DCTN1: variants seen among roughly 807,000 people sequenced by gnomAD.
DCTN1 encodes dynactin subunit 1.
Under a neutral mutation model 161.2 loss-of-function variants are expected in DCTN1, and 61 were observed. The ratio of observed to expected loss-of-function variants is 0.38; its 90% confidence interval spans 0.31 to 0.47. The LOEUF (loss-of-function observed/expected upper bound fraction) is 0.47, where lower values mean the gene tolerates loss of function less well. DCTN1 is among the 20% of genes least tolerant of loss of function. The pLI is 0.99. For synonymous variants in DCTN1, 653 were observed against 632.4 expected (o/e 1.03, Z -0.49); for missense variants, 1,404 against 1,623.7 (o/e 0.86, Z 2.33).
At chr2:74,375,486 G>A (rs1675169981) in intron 5 of DCTN1, among the ~76,000 whole-genome samples, 1 of 152,210 alleles carries the variant, frequency 6.6e-6, no homozygotes, top group African/African-American at 2.4e-5. Context: ...GGGCAGCATG[G>A]GTGGCCTAGG....
rs569377972 is a variant in DCTN1 at position 74,391,667 on chromosome 2, G to C, written c.-19+127C>G. 6.3e-3 allele frequency: 2,361 copies of C among 377,352 alleles called. 19 individuals carry two copies. The highest frequency in any genetic ancestry group is 9.6e-3 in the South Asian group (495 of 51,396). 23.4% of individuals were successfully genotyped at this position (377,352 alleles called of 1,614,324 possible). On this transcript the variant is annotated intron_variant, in intron 1 of 27. Coordinates refer to the DCTN1 transcript ENST00000409240. ...CGCTCAGGCGGAGCCCCCGGACCCC[G>C]ACAAGCGCCCACCCCTGCCAGTCCC...
intron 2 of DCTN1, 60 bp from the exon 3 acceptor site, chr2:74,377,786 C>T: frequency 6.5e-7 from 1 of 1,544,218 alleles, no homozygotes; most frequent in Non-Finnish European, 9.0e-7. Context: ...TCAAGGACGG[C>T]TGTAATATGG....
upstream of DCTN1, among the ~76,000 whole-genome samples, chr2:74,384,101 G>A (rs1220659422): frequency 6.6e-6 from 1 of 152,180 alleles, no homozygotes; most frequent in African/African-American, 2.4e-5. Flanking sequence ...AAAAATGGGA[G>A]GAGAAACAAC....
rs2103736119 is a variant in DCTN1 at position 74,380,125 on chromosome 2, G to A, written c.-88C>T. ...CCTAGGCAGGAGGGTCAGGGCGCTG[G>A]GCCCTCATAGAGGGACACAGGAGTC... On this transcript the variant is annotated 5_prime_UTR_variant, in exon 1 of 32. Transcript: ENST00000628224. 3 of 1,462,192 alleles carry A rather than the reference G, an allele frequency of 2.1e-6. No homozygotes were observed. The highest frequency in any genetic ancestry group is 4.6e-5 in the East Asian group (2 of 43,912). 90.6% of individuals were successfully genotyped at this position (1,462,192 alleles called of 1,614,324 possible).
At chr2:74,362,847 G>T in intron 29 of DCTN1, 118 bp from the exon 30 acceptor site, 1 of 1,294,248 alleles carries the variant, frequency 7.7e-7, no homozygotes, top group Non-Finnish European at 1.1e-6. Context: ...GAGAGAGAGT[G>T]GGTGAATCAA....
Position 74,361,642 on chromosome 2 carries a change from G to T in DCTN1, c.3700-6C>A, listed in dbSNP as rs371163273. Reference sequence around the variant, plus strand: ...TCCTGCTGCTCCTCCTTGGCCTGGTGGTTGATGAGGAGAAAAAGACTCCAG... The same window carrying T: ...TCCTGCTGCTCCTCCTTGGCCTGGTTGTTGATGAGGAGAAAAAGACTCCAG... On this transcript the variant is annotated splice_polypyrimidine_tract_variant and splice_region_variant and intron_variant, in intron 31 of 31. Transcript: ENST00000628224. The T allele has an allele frequency of 1.5e-5, 25 of 1,613,986 alleles. No homozygotes were observed. Among genetic ancestry groups the T allele is most frequent in the Non-Finnish European group, 2.1e-5 (25 of 1,180,028 alleles).
At position 74,388,525 on chromosome 2, in the gene DCTN1, T is replaced by G. The variant is rs1368238916; in HGVS notation, c.-19+3269A>C. Among the ~76,000 whole-genome samples, 4 of 152,360 alleles carry G rather than the reference T, an allele frequency of 2.6e-5. No homozygotes were observed. In the East Asian group the frequency reaches 7.7e-4, roughly 29 times the overall value. On this transcript the variant is annotated intron_variant, in intron 1 of 27. Coordinates refer to the DCTN1 transcript ENST00000409240. ...GTTACAAATGTCACCAGGACAATTCTTCCTCCTCATCCTTCAAGGCTCAGC... is the reference window on the plus strand; with the variant it reads ...GTTACAAATGTCACCAGGACAATTCGTCCTCCTCATCCTTCAAGGCTCAGC...
Position 74,362,668 on chromosome 2 carries a change from G to A in DCTN1, c.3591C>T (p.Asp1197=), listed in dbSNP as rs1413115871. 2 of 1,613,994 alleles carry A rather than the reference G, an allele frequency of 1.2e-6. No individual in the cohort carries two copies. The highest frequency in any genetic ancestry group is 1.1e-5 in the South Asian group (1 of 91,050). ...AGCTGACCTTGAGCTTCTCGACGGT[G>A]TCACTCAGGGACTTAAGCTGAGCCA... ...EQVAQLKSLS[D]TVEKLKDEVL... Residue 1197 remains aspartate, a synonymous_variant, in exon 30 of 32, where the codon GAC becomes GAT. Coordinates refer to ENST00000628224, the MANE Select transcript of DCTN1 (RefSeq NM_004082.5).
rs1361422608 is a variant in DCTN1 at position 74,365,507 on chromosome 2, T to C, written c.3029+8A>G. 1.2e-6 allele frequency: 2 copies of C among 1,614,072 alleles called. No individual in the cohort carries two copies. Among genetic ancestry groups the C allele is most frequent in the Non-Finnish European group, 1.7e-6 (2 of 1,179,992 alleles). ...AGAGGAAGCAAGGCCCCAGGGAAAG[T>C]GCCTGACTTCTCCTTCTTTCGCAGC... On this transcript the variant is annotated splice_region_variant and intron_variant, in intron 25 of 31. Transcript: ENST00000628224.
intron 26 of DCTN1, chr2:74,364,747 T>C (rs1674274311): frequency 2.5e-6 from 1 of 399,852 alleles, no homozygotes. Context: ...CCCAGCCTGC[T>C]GCTGGCTGAC....
chr2:74,363,450 C>T (rs769109238), intron 27 of DCTN1, 23 bp from the exon 28 acceptor site: 1 of 1,611,124 alleles, frequency 6.2e-7, no homozygotes, highest in African/African-American at 1.3e-5. Flanking sequence ...TAAAAAATCT[C>T]ATCAGCCCCA....
upstream of DCTN1, chr2:74,383,750 T>A (rs1306113282): frequency 6.6e-6 from 1 of 152,220 alleles, no homozygotes; most frequent in Non-Finnish European, 1.5e-5. Flanking sequence ...GACCTGAATA[T>A]ACCTTTGGTT....
Position 74,369,052 on chromosome 2 carries a change from A to G in DCTN1, c.1701+46T>C, listed in dbSNP as rs1312362870. On this transcript the variant is annotated intron_variant, in intron 15 of 31. Transcript: ENST00000628224. This position sits in a 1 kb window ranked among gnomAD's most constrained non-coding sequence, Gnocchi z 4.9. ...GAATCTGAAGCCCAGACCCCATACC[A>G]GTTCATCCCAGGCAGGGCTCCCTCA... The G allele has an allele frequency of 6.3e-7, 1 of 1,594,408 alleles. No homozygotes were observed. The highest frequency in any genetic ancestry group is 1.7e-5 in the Admixed American group (1 of 60,020).
At chr2:74,379,315 C>G (rs926355538) in intron 1 of DCTN1, among the ~76,000 whole-genome samples, 1 of 152,054 alleles carries the variant, frequency 6.6e-6, no homozygotes, top group Non-Finnish European at 1.5e-5. Flanking sequence ...TATGGGAGAC[C>G]CTTCTGATAC....
rs1378033827 is a variant in DCTN1 at position 74,370,922 on chromosome 2, A to G, written c.843+57T>C. The G allele has an allele frequency of 6.2e-7, 1 of 1,613,322 alleles. No homozygotes were observed. Among genetic ancestry groups the G allele is most frequent in the Non-Finnish European group, 8.5e-7 (1 of 1,180,004 alleles). ...AGGCTCCAGCTCCAGTCTAGTTTCC[A>G]GCATGCTTCCTTAGGTCTCAGGCTG... On this transcript the variant is annotated intron_variant, in intron 9 of 31. Transcript: ENST00000628224. The surrounding 1 kb of genome is among the most constrained non-coding windows in gnomAD (Gnocchi z 4.4).
At chr2:74,386,287 C>T (rs1016916950) in intron 1 of DCTN1, among the ~76,000 whole-genome samples, 5 of 152,170 alleles carry the variant, frequency 3.3e-5, no homozygotes, top group African/African-American at 9.7e-5. Context: ...GAATCCATTT[C>T]TGCAGACGTA....
intron 30 of DCTN1, 144 bp from the exon 31 acceptor site, chr2:74,362,285 AC>A: frequency 1.4e-6 from 1 of 719,550 alleles, no homozygotes; most frequent in South Asian, 1.6e-5. Context: ...CTCATCTCCA[AC>A]CCCATCCCCA....
rs780038310 is a variant in DCTN1 at position 74,376,747 on chromosome 2, T to G, written c.409A>C (p.Lys137Gln). The G allele has an allele frequency of 1.2e-6, 2 of 1,605,204 alleles. No homozygotes were observed. Among genetic ancestry groups the G allele is most frequent in the South Asian group, 2.2e-5 (2 of 88,942 alleles). Residue 137 changes from lysine to glutamine, a missense_variant, in exon 5 of 32, where the codon AAG becomes CAG. By Grantham distance (53) the Lys-to-Gln change is moderately conservative. Coordinates refer to ENST00000628224, the MANE Select transcript of DCTN1 (RefSeq NM_004082.5). ...ACAAATAGTAAACACACCACCTTCTTAGGCTTCAGTCCCCGCTGCATGAGG... is the reference window on the plus strand; with the variant it reads ...ACAAATAGTAAACACACCACCTTCTGAGGCTTCAGTCCCCGCTGCATGAGG... ...KTSKLRGLKP[K>Q]KAPTARKTTT...
intron 7 of DCTN1, 40 bp downstream of exon 7, chr2:74,372,888 T>C: frequency 2.5e-6 from 4 of 1,608,814 alleles, no homozygotes; most frequent in Non-Finnish European, 3.4e-6. Context: ...AACGTGTGTG[T>C]ACACTCAGCA....
Sources: allele counts gnomAD v4.1 joint callset (sites outside exome capture counted in the v4.1 genomes callset), GRCh38; gene constraint gnomAD v4.1.1; non-coding constraint Gnocchi (gnomAD v3.1); transcripts MANE v1.5; gene names NCBI Gene and HGNC (gene_info 2026-07-23, HGNC 2026-07-21).